The following MYCBP2 variants were observed in gnomAD, a reference collection of about 807,000 sequenced individuals.
MYCBP2 encodes MYC binding protein 2.
Under a neutral mutation model 525.3 loss-of-function variants are expected in MYCBP2, and 120 were observed. The observed-to-expected ratio is 0.23, with a 90% CI of 0.20 to 0.27. MYCBP2 has a LOEUF of 0.27. MYCBP2 is among the 10% of genes least tolerant of loss of function. MYCBP2 has a pLI of 1.00. For missense variants in MYCBP2, 4,149 were observed against 5,657.1 expected (o/e 0.73, Z 8.55); for synonymous variants, 1,894 against 1,955.8 (o/e 0.97, Z 0.83).
At position 77,125,414 on chromosome 13, in the gene MYCBP2, A is replaced by G; in HGVS notation, c.7939T>C (p.Phe2647Leu). 2 of 1,613,928 alleles carry G rather than the reference A, an allele frequency of 1.2e-6. No homozygotes were observed. The highest frequency in any genetic ancestry group is 1.7e-6 in the Non-Finnish European group (2 of 1,179,872). Residue 2647 changes from phenylalanine to leucine, a missense_variant, in exon 54 of 83, where the codon TTC becomes CTC. This residue lies in a region of MYCBP2 where 653 missense variants were observed against 744.7 expected (regional missense o/e 0.88). Transcript: ENST00000544440. ...VQLDQNSMVE[F>L]CESDEGEAWS... ...GCCTCTCCTTCATCACTCTCACAGA[A>G]CTCTACCATGCTGTTCTGATCCAGT... is the stretch of plus-strand genomic sequence containing the variant.
At chr13:77,241,584 C>A (rs2068833614) in intron 17 of MYCBP2, among the ~76,000 whole-genome samples, 1 of 152,058 alleles carries the variant, frequency 6.6e-6, no homozygotes, top group African/African-American at 2.4e-5. Flanking sequence ...ATTTAACATG[C>A]AATTTTCCCA....
In MYCBP2 at chr13:77,095,344, CA is replaced by C; in HGVS notation, c.10199+13del. 3 of 1,612,148 alleles carry C rather than the reference CA, an allele frequency of 1.9e-6. No individual in the cohort carries two copies. The highest frequency in any genetic ancestry group is 2.5e-6 in the Non-Finnish European group (3 of 1,179,054). On this transcript the variant is annotated intron_variant, in intron 58 of 82. Transcript: ENST00000544440. ...TCCAAAGGTGATTAAAAAACAACAGCAAAATTTTATTACCTAGCTAATGTCT... is the reference window on the plus strand; with the variant it reads ...TCCAAAGGTGATTAAAAAACAACAGCAAATTTTATTACCTAGCTAATGTCT...
At chr13:77,069,692 TA>T (rs752290620) in intron 69 of MYCBP2, among the ~76,000 whole-genome samples, 1,928 of 70,380 alleles carry the variant, frequency 0.027, 14 homozygotes, top group South Asian at 0.042. Context: ...CCGTCTGTAC[TA>T]AAAAAAAAAA....
chr13:77,205,446 A>C, intron 25 of MYCBP2, 27 bp downstream of exon 25: 1 of 1,612,282 alleles, frequency 6.2e-7, no homozygotes, highest in Non-Finnish European at 8.5e-7. Flanking sequence ...TTGTAAGACA[A>C]CATTTCCTAA....
intron 1 of MYCBP2, among the ~76,000 whole-genome samples, chr13:77,306,314 G>A (rs1429698104): frequency 6.6e-6 from 1 of 151,938 alleles, no homozygotes; most frequent in African/African-American, 2.4e-5. Flanking sequence ...AATAAATTAG[G>A]GAGGAATAGT....
In MYCBP2 at chr13:77,150,737, C is replaced by T. The variant is rs957901105; in HGVS notation, c.7128G>A (p.Met2376Ile). ...KEARYIAITM[M>I]KVYENYSFEE... ...TCTGATAAGTAAAATAAATTACCTTCATCATTGTTATGGCAATATATCGAG... is the reference window on the plus strand; with the variant it reads ...TCTGATAAGTAAAATAAATTACCTTTATCATTGTTATGGCAATATATCGAG... The change falls in exon 47 of 83, where the codon ATG becomes ATA. Residue 2376 changes from methionine to isoleucine, a missense_variant. Physicochemically the swap from Met to Ile is conservative, Grantham distance 10. Around this residue, in one of 21 missense-constraint regions of MYCBP2, gnomAD observed 692 missense variants for 852.7 expected, o/e 0.81. Coordinates refer to ENST00000544440, the MANE Select transcript of MYCBP2 (RefSeq NM_015057.5). 1 of 1,610,644 alleles carries T rather than the reference C, an allele frequency of 6.2e-7. No individual in the cohort carries two copies. Among genetic ancestry groups the T allele is most frequent in the Admixed American group, 1.7e-5 (1 of 59,406 alleles).
chr13:77,135,014 G>T (rs1258859622), intron 52 of MYCBP2, among the ~76,000 whole-genome samples: 1 of 152,190 alleles, frequency 6.6e-6, no homozygotes, highest in Non-Finnish European at 1.5e-5. Context: ...CATTCAGTCA[G>T]TGTTCAAACT....
intron 4 of MYCBP2, among the ~76,000 whole-genome samples, chr13:77,275,988 A>C (rs1223535760): frequency 6.6e-6 from 1 of 152,188 alleles, no homozygotes; most frequent in Non-Finnish European, 1.5e-5. Context: ...CGTCTCAAAA[A>C]ACAAAAAAGG....
At chr13:77,199,598 C>T (rs1044447706) in intron 26 of MYCBP2, among the ~76,000 whole-genome samples, 1 of 152,218 alleles carries the variant, frequency 6.6e-6, no homozygotes, top group South Asian at 2.1e-4. Flanking sequence ...AGGGCACAGA[C>T]AAACAAAAAG....
intron 1 of MYCBP2, among the ~76,000 whole-genome samples, chr13:77,321,447 TC>T (rs1481677496): frequency 2.6e-5 from 4 of 152,244 alleles, no homozygotes; most frequent in Non-Finnish European, 5.9e-5. Context: ...CCGCATTACT[TC>T]CTGACATATT....
intron 82 of MYCBP2, among the ~76,000 whole-genome samples, chr13:77,047,328 T>C (rs571385507): frequency 2.2e-4 from 33 of 152,322 alleles, no homozygotes; most frequent in African/African-American, 7.5e-4. Flanking sequence ...AGATACCTCA[T>C]CTTTAAAATA....
chr13:77,064,596 A>G lies in MYCBP2; in HGVS notation c.12672+19T>C, dbSNP rs1449452104. 6.3e-7 allele frequency: 1 copy of G among 1,584,650 alleles called. No individual in the cohort carries two copies. The highest frequency in any genetic ancestry group is 8.6e-7 in the Non-Finnish European group (1 of 1,164,242). ...ATACACACCAAATTTAAAACAAAAC[A>G]AAACAAAGCAAAACCTACTCTAGTT... is the stretch of plus-strand genomic sequence containing the variant. On this transcript the variant is annotated intron_variant, in intron 73 of 82. Transcript: ENST00000544440.
At chr13:77,202,564 T>C (rs1484006320) in intron 26 of MYCBP2, among the ~76,000 whole-genome samples, 1 of 151,918 alleles carries the variant, frequency 6.6e-6, no homozygotes, top group East Asian at 1.9e-4. Flanking sequence ...ATCATCCTGA[T>C]ACCAAAGCCG....
intron 52 of MYCBP2, among the ~76,000 whole-genome samples, chr13:77,137,528 T>G (rs1275751366): frequency 6.6e-6 from 1 of 152,128 alleles, no homozygotes; most frequent in Non-Finnish European, 1.5e-5. Flanking sequence ...CAAGGTAAGA[T>G]GATCGCTTGA....
At position 77,081,183 on chromosome 13, in the gene MYCBP2, A is replaced by C. The variant is rs2043247685; in HGVS notation, c.11418+244T>G. On this transcript the variant is annotated intron_variant, in intron 65 of 82. Coordinates refer to ENST00000544440, the MANE Select transcript of MYCBP2 (RefSeq NM_015057.5). This position sits in a 1 kb window ranked among gnomAD's most constrained non-coding sequence, Gnocchi z 4.6. The stretch of plus-strand genomic sequence containing the variant: ...GCAGAAAATTGTAGAGCAGACTTTC[A>C]TTTTGCTTAGCTGTAGCCATGGTAT... 2.5e-6 allele frequency: 1 copy of C among 407,438 alleles called. No individual in the cohort carries two copies. 25.2% of individuals were successfully genotyped at this position (407,438 alleles called of 1,614,324 possible). A position where few individuals can be genotyped will look rare whatever the true frequency, so the allele number is the denominator to read the frequency against.
chr13:77,215,169 T>C (rs1354994495), intron 21 of MYCBP2, among the ~76,000 whole-genome samples: 4 of 152,192 alleles, frequency 2.6e-5, no homozygotes, highest in Admixed American at 6.5e-5. Context: ...ATGTTCTATA[T>C]ATTTTAAAAA....
chr13:77,183,438 G>A (rs1379254509), intron 32 of MYCBP2, among the ~76,000 whole-genome samples: 1 of 147,970 alleles, frequency 6.8e-6, no homozygotes, highest in Non-Finnish European at 1.5e-5. Context: ...ATTTCTTAAT[G>A]TGTTAGTTTT....
Position 77,157,965 on chromosome 13 carries a change from G to A in MYCBP2, c.6742C>T (p.Pro2248Ser). 3 of 1,612,662 alleles carry A rather than the reference G, an allele frequency of 1.9e-6. No homozygotes were observed. Among genetic ancestry groups the A allele is most frequent in the Non-Finnish European group, 1.7e-6 (2 of 1,179,582 alleles). ...SFLDDFIACV[P>S]GSSGGRLARW... ...GCAAGCCTTCCACCACTTGATCCTG[G>A]GACACAGGCAATAAAATCATCCAGA... Residue 2248 changes from proline (P) to serine (S), a missense_variant, in exon 45 of 83, where the codon CCA (proline) becomes TCA (serine). Pro to Ser is a moderately conservative substitution (Grantham distance 74, BLOSUM62 -1). Around this residue, in one of 21 missense-constraint regions of MYCBP2, gnomAD observed 692 missense variants for 852.7 expected, o/e 0.81. Transcript: ENST00000544440.
intron 3 of MYCBP2, among the ~76,000 whole-genome samples, chr13:77,286,305 A>G (rs966785038): frequency 1.3e-5 from 2 of 152,240 alleles, no homozygotes; most frequent in Non-Finnish European, 2.9e-5. Flanking sequence ...AAAAGGCAAT[A>G]GTCATAAATC....
Sources: gnomAD v4.1 joint callset for allele counts (sites outside exome capture counted in the v4.1 genomes callset) on GRCh38, gnomAD v4.1.1 for gene constraint, gnomAD v4.1.1 regional missense constraint, Gnocchi (gnomAD v3.1) non-coding constraint, MANE v1.5 for transcripts, NCBI Gene and HGNC (gene_info 2026-07-23, HGNC 2026-07-21) for gene names.